The following COL28A1 variants were observed in gnomAD, a reference collection of about 807,000 sequenced individuals.
The protein encoded by COL28A1 is collagen type XXVIII alpha 1 chain.
In COL28A1, 161 loss-of-function variants were observed where a neutral mutation model predicts 150.2. The observed-to-expected ratio is 1.07, with a 90% CI of 0.94 to 1.22. The LOEUF is 1.22. COL28A1 is among the 50% of genes most tolerant of loss of function. The probability of loss-of-function intolerance (pLI) is 0.00; values close to 1 mark genes in which losing one functional copy is unlikely to be tolerated. For synonymous variants in COL28A1, 552 were observed against 469.7 expected, an observed-to-expected ratio of 1.18 and a Z score of -2.26; for missense variants, 1,617 against 1,388.3, an observed-to-expected ratio of 1.16 and a Z score of -2.62.
At chr7:7,403,845 T>C (rs900907622) in intron 27 of COL28A1, among the ~76,000 whole-genome samples, 1 of 152,334 alleles carries the variant, frequency 6.6e-6, no homozygotes, top group East Asian at 1.9e-4. Flanking sequence ...TTTATATACC[T>C]GGCATCAATT....
chr7:7,360,605 T>A (rs969354824), intron 33 of COL28A1, 77 bp from the exon 34 acceptor site: 3 of 1,349,914 alleles, frequency 2.2e-6, no homozygotes, highest in African/African-American at 3.0e-5. Flanking sequence ...TGGGAACATA[T>A]AAAGACTAGT....
intron 32 of COL28A1, among the ~76,000 whole-genome samples, chr7:7,371,460 T>C (rs1026864278): frequency 3.3e-5 from 5 of 152,186 alleles, no homozygotes; most frequent in African/African-American, 1.2e-4. Flanking sequence ...AAAAAGTTTC[T>C]GAGAATGGTA....
chr7:7,402,206 C>T (rs1389127029), intron 27 of COL28A1, among the ~76,000 whole-genome samples: 1 of 152,200 alleles, frequency 6.6e-6, no homozygotes, highest in East Asian at 1.9e-4. Context: ...AGATTAGTTC[C>T]AGCTCACAAT....
chr7:7,412,282 A>C (rs1267602078), intron 27 of COL28A1, among the ~76,000 whole-genome samples: 1 of 152,090 alleles, frequency 6.6e-6, no homozygotes, highest in African/African-American at 2.4e-5. Flanking sequence ...AATGGAAGAC[A>C]AGGTTTTCTA....
chr7:7,506,043 G>T lies in COL28A1; in HGVS notation c.997C>A (p.Pro333Thr). The T allele has an allele frequency of 6.8e-7, 1 of 1,479,190 alleles. No individual in the cohort carries two copies. Among genetic ancestry groups the T allele is most frequent in the Non-Finnish European group, 9.5e-7 (1 of 1,056,984 alleles). The allele number at this position is 1,479,190 out of a possible 1,614,324, so 91.6% of individuals were successfully genotyped here. A position where few individuals can be genotyped will look rare whatever the true frequency, so the allele number is the denominator to read the frequency against. The change falls in exon 11 of 35, where the codon CCA becomes ACA. Residue 333 changes from proline to threonine, a missense_variant. Pro to Thr is a conservative substitution (Grantham distance 38). Coordinates refer to ENST00000399429, the MANE Select transcript of COL28A1 (RefSeq NM_001037763.3). The part of the protein sequence containing the change: ...IQGITGPPGD[P>T]GPKGFQGNKG... ...TTGCCTTGAAACCCCTTTGGGCCTG[G>T]GTCTCCTGGAGGTCCAGTAATTCCC...
rs140527290 is a variant in COL28A1 at position 7,448,470 on chromosome 7, ATT to A, written c.1509+3847_1509+3848del. ...TAACCAGAAAAAATAATAAGCAAAG[ATT>A]TTTTTTTTGGAAGTTGATTTGGCAA... is the stretch of plus-strand genomic sequence containing the variant. On this transcript the variant is annotated intron_variant, in intron 18 of 34. Transcript: ENST00000399429. Among the ~76,000 whole-genome samples, 229 of 150,120 alleles carry A rather than the reference ATT, an allele frequency of 1.5e-3. 2 individuals carry two copies. Among genetic ancestry groups the A allele is most frequent in the African/African-American group, 5.1e-3 (210 of 41,096 alleles).
chr7:7,404,334 G>GT (rs1463107475), intron 27 of COL28A1, among the ~76,000 whole-genome samples: 2 of 151,852 alleles, frequency 1.3e-5, no homozygotes, highest in Admixed American at 6.6e-5. Flanking sequence ...CTTTCAAAGA[G>GT]TAAGTCAGAC....
intron 33 of COL28A1, 80 bp downstream of exon 33, chr7:7,370,645 G>T: frequency 2.5e-6 from 3 of 1,209,192 alleles, no homozygotes; most frequent in Non-Finnish European, 3.5e-6. Flanking sequence ...TCTTGACAAT[G>T]CAGGGCAGAA....
rs921268362 is a variant in COL28A1 at position 7,522,843 on chromosome 7, T to C, written c.703-882A>G. On this transcript the variant is annotated intron_variant, in intron 4 of 34. Coordinates refer to ENST00000399429, the MANE Select transcript of COL28A1 (RefSeq NM_001037763.3). ...AAAAAAAAAAAAAAAAAAAGGGCCG[T>C]GCATACATTTTATAACGTTTTTAAA... is the stretch of plus-strand genomic sequence containing the variant. Among the ~76,000 whole-genome samples the C allele has an allele frequency of 3.0e-4, 28 of 93,442 alleles. No individual in the cohort carries two copies. The East Asian group carries it at 8.6e-3, about 29-fold the overall frequency. The allele number at this position is 93,442 out of a possible 152,430, so 61.3% of individuals were successfully genotyped here.
At chr7:7,515,883 G>T in intron 7 of COL28A1, 43 bp from the exon 8 acceptor site, 1 of 842,504 alleles carries the variant, frequency 1.2e-6, no homozygotes. Flanking sequence ...GATACTCTGA[G>T]GCAGAATTAG....
At chr7:7,465,419 C>T (rs1788002230) in intron 15 of COL28A1, among the ~76,000 whole-genome samples, 1 of 140,882 alleles carries the variant, frequency 7.1e-6, no homozygotes, top group Non-Finnish European at 1.5e-5. Flanking sequence ...CGGCGCACCA[C>T]GAGACTATAT....
Position 7,358,682 on chromosome 7 carries a change from T to C in COL28A1, c.3329A>G (p.Asn1110Ser), listed in dbSNP as rs1299439324. Reference protein sequence around the residue: ...FWFSGCNGSGNRFNSEKECQE... With the variant: ...FWFSGCNGSGSRFNSEKECQE... ...ACATTCCTTTTCACTGTTGAATCTA[T>C]TTCCTGAGCCATTACAGCCACTGAA... Residue 1110 changes from asparagine (N) to serine (S), a missense_variant, in exon 35 of 35, where the codon AAT becomes AGT. Asn to Ser is a conservative substitution (Grantham distance 46). Coordinates refer to ENST00000399429, the MANE Select transcript of COL28A1 (RefSeq NM_001037763.3). The C allele has an allele frequency of 6.2e-7, 1 of 1,614,064 alleles. No individual in the cohort carries two copies. The highest frequency in any genetic ancestry group is 1.7e-5 in the Admixed American group (1 of 60,016).
chr7:7,461,777 G>A (rs1787647272), intron 15 of COL28A1, among the ~76,000 whole-genome samples: 1 of 152,132 alleles, frequency 6.6e-6, no homozygotes, highest in Non-Finnish European at 1.5e-5. Context: ...ACCTAGCCTT[G>A]CTCCCGCCTA....
In COL28A1 at chr7:7,531,405, A is replaced by G. The variant is rs370260833; in HGVS notation, c.624T>C (p.Ser208=). The G allele has an allele frequency of 1.6e-4, 263 of 1,600,292 alleles. 1 individual carries two copies. The highest frequency in any genetic ancestry group is 2.1e-4 in the Non-Finnish European group (251 of 1,170,152). The part of the protein sequence containing the change: ...KLRLISGDSS[S]EPTLLLSDPT... ...GATCACTCAACAGTAAAGTGGGTTC[A>G]CTGGATGAATCCCCAGAAATCAAAC... Residue 208 remains serine, a synonymous_variant, in exon 3 of 35, where the codon AGT becomes AGC. Transcript: ENST00000399429.
chr7:7,463,010 A>T (rs1001795214), intron 15 of COL28A1, among the ~76,000 whole-genome samples: 3 of 152,054 alleles, frequency 2.0e-5, no homozygotes, highest in Admixed American at 6.5e-5. Context: ...AATATGAACA[A>T]AGCCTCCAAG....
At position 7,521,972 on chromosome 7, in the gene COL28A1, A is replaced by G. The variant is rs930047930; in HGVS notation, c.703-11T>C. The stretch of plus-strand genomic sequence containing the variant: ...AATCTTGCGTTCACACTGAATCAAT[A>G]ATGAAATATGATATTAACACACAGT... On this transcript the variant is annotated splice_polypyrimidine_tract_variant and intron_variant, in intron 4 of 34. Coordinates refer to ENST00000399429, the MANE Select transcript of COL28A1 (RefSeq NM_001037763.3). 2 of 978,272 alleles carry G rather than the reference A, an allele frequency of 2.0e-6. No homozygotes were observed. Among genetic ancestry groups the G allele is most frequent in the Non-Finnish European group, 3.3e-6 (2 of 598,272 alleles). The allele number at this position is 978,272 out of a possible 1,614,324, so 60.6% of individuals were successfully genotyped here. A position where few individuals can be genotyped will look rare whatever the true frequency, so the allele number is the denominator to read the frequency against.
At chr7:7,380,513 G>A in intron 30 of COL28A1, 147 bp downstream of exon 30, 1 of 677,896 alleles carries the variant, frequency 1.5e-6, no homozygotes, top group Non-Finnish European at 2.6e-6. Context: ...ATGCATCTAA[G>A]CCAACACTGG....
In COL28A1 at chr7:7,507,100, G is replaced by C. The variant is rs1398591226; in HGVS notation, c.972+17C>G. Reference sequence around the variant, plus strand: ...GTGATTCTAATTCAAACTTAGATTTGGTTTTAACCCCCTTACCTGAATTCC... The same window carrying C: ...GTGATTCTAATTCAAACTTAGATTTCGTTTTAACCCCCTTACCTGAATTCC... On this transcript the variant is annotated intron_variant, in intron 10 of 34. Coordinates refer to ENST00000399429, the MANE Select transcript of COL28A1 (RefSeq NM_001037763.3). 2 of 1,075,896 alleles carry C rather than the reference G, an allele frequency of 1.9e-6. No individual in the cohort carries two copies. Among genetic ancestry groups the C allele is most frequent in the Admixed American group, 3.4e-5 (2 of 58,544 alleles). 66.6% of individuals were successfully genotyped at this position (1,075,896 alleles called of 1,614,324 possible).
Position 7,432,742 on chromosome 7 carries a change from A to G in COL28A1, c.1861-42T>C, listed in dbSNP as rs761255887. The G allele has an allele frequency of 2.0e-6, 3 of 1,489,834 alleles. No homozygotes were observed. In the South Asian group the frequency reaches 3.4e-5, roughly 17 times the overall value. 92.3% of individuals were successfully genotyped at this position (1,489,834 alleles called of 1,614,324 possible). On this transcript the variant is annotated intron_variant, in intron 23 of 34. Transcript: ENST00000399429. ...ATCAGTGATATCATGAGACTCAACT[A>G]GAAAACACCTGGTCAAACTTAAGCA...
Sources: allele counts gnomAD v4.1 joint callset (sites outside exome capture counted in the v4.1 genomes callset), GRCh38; gene constraint gnomAD v4.1.1; transcripts MANE v1.5; gene names NCBI Gene and HGNC (gene_info 2026-07-23, HGNC 2026-07-21).